The following TMEM64 variants were observed in gnomAD, a reference collection of about 807,000 sequenced individuals.
TMEM64 encodes the protein transmembrane protein 64.
A neutral mutation model predicts 24.5 loss-of-function variants in TMEM64; 19 were observed. The ratio of observed to expected loss-of-function variants is 0.78; its 90% confidence interval spans 0.54 to 1.14. The LOEUF (loss-of-function observed/expected upper bound fraction) is 1.14. TMEM64 is among the 50% of genes most tolerant of loss of function. The pLI is 0.00. For missense variants in TMEM64, 487 were observed against 493.0 expected (o/e 0.99, Z 0.12); for synonymous variants, 262 against 224.7 (o/e 1.17, Z -1.49).
intron 2 of TMEM64, among the ~76,000 whole-genome samples, chr8:90,627,610 C>T (rs1478477036): frequency 6.6e-6 from 1 of 152,020 alleles, no homozygotes; most frequent in Non-Finnish European, 1.5e-5. Flanking sequence ...GAGCTAAAGA[C>T]AAGTGCTGGG....
chr8:90,642,672 TC>T (rs1809621736), intron 1 of TMEM64, among the ~76,000 whole-genome samples: 1 of 152,202 alleles, frequency 6.6e-6, no homozygotes, highest in South Asian at 2.1e-4. Flanking sequence ...AAGGACTACT[TC>T]TGTAAGCAGG....
At chr8:90,638,011 A>AACCGCACCTTCTCTGGGGAAATCTATCC (rs1234790741) in intron 1 of TMEM64, among the ~76,000 whole-genome samples, 14 of 152,166 alleles carry the variant, frequency 9.2e-5, no homozygotes, top group Non-Finnish European at 5.9e-5. Flanking sequence ...ACATCTTGTC[A>AACCGCACCTTCTCTGGGGAAATCTATCC]ACCGCACCTT....
rs762859132 is a variant in TMEM64 at position 90,625,660 on chromosome 8, T to C, written c.*11A>G. Reference sequence around the variant, plus strand: ...ACACTAGGCTCTTGACAATCACGTATCTCATTAGAATCATACAACATTGAT... The same window carrying C: ...ACACTAGGCTCTTGACAATCACGTACCTCATTAGAATCATACAACATTGAT... On this transcript the variant is annotated 3_prime_UTR_variant, in exon 3 of 3. Coordinates refer to ENST00000458549, the MANE Select transcript of TMEM64 (RefSeq NM_001008495.4). 4.2e-5 allele frequency: 68 copies of C among 1,609,818 alleles called. No individual in the cohort carries two copies. The highest frequency in any genetic ancestry group is 5.1e-5 in the Non-Finnish European group (60 of 1,177,280).
At chr8:90,636,771 AT>A (rs2130505210) in intron 1 of TMEM64, among the ~76,000 whole-genome samples, 1 of 152,310 alleles carries the variant, frequency 6.6e-6, no homozygotes, top group Non-Finnish European at 1.5e-5. Context: ...TACCATTGGA[AT>A]TCCTGCTTGC....
intron 1 of TMEM64, among the ~76,000 whole-genome samples, chr8:90,638,815 T>C (rs1258929041): frequency 6.6e-6 from 1 of 152,062 alleles, no homozygotes; most frequent in East Asian, 1.9e-4. Flanking sequence ...ACAGAAAAAA[T>C]GTTATAAATG....
intron 1 of TMEM64, among the ~76,000 whole-genome samples, chr8:90,635,541 A>ACTTGTTGGGGCCTT (rs1809506258): frequency 6.6e-6 from 1 of 152,128 alleles, no homozygotes. Flanking sequence ...AAATAAAGAC[A>ACTTGTTGGGGCCTT]GGAAAACTAC....
chr8:90,636,536 G>T (rs1474815500), intron 1 of TMEM64, among the ~76,000 whole-genome samples: 1 of 152,202 alleles, frequency 6.6e-6, no homozygotes, highest in East Asian at 1.9e-4. Context: ...TTACACGCGT[G>T]AGCCACTGCA....
Position 90,645,617 on chromosome 8 carries a change from C to T in TMEM64, c.289G>A (p.Gly97Ser). 6.5e-7 allele frequency: 1 copy of T among 1,534,932 alleles called. No homozygotes were observed. The highest frequency in any genetic ancestry group is 8.7e-7 in the Non-Finnish European group (1 of 1,144,930). Residue 97 changes from glycine (G) to serine (S), a missense_variant, in exon 1 of 3, where the codon GGC (glycine) becomes AGC (serine). Gly to Ser is a moderately conservative substitution (Grantham distance 56, BLOSUM62 0). Transcript: ENST00000458549. The surrounding 1 kb of genome is among the most constrained non-coding windows in gnomAD (Gnocchi z 4.2). ...TCAGCCACGCCGACCACCACGCCGC[C>T]GCCGCCACTCCCGGGGCCGCCCGCC... ...ALAGGPGSGG[G>S]GVVVGVAEVR...
chr8:90,631,194 C>T (rs1338226821), intron 2 of TMEM64, among the ~76,000 whole-genome samples: 1 of 152,176 alleles, frequency 6.6e-6, no homozygotes, highest in Non-Finnish European at 1.5e-5. Context: ...GATAAGCACT[C>T]AACTCTGCCC....
intron 1 of TMEM64, among the ~76,000 whole-genome samples, chr8:90,633,190 A>T (rs1809465838): frequency 6.6e-6 from 1 of 152,192 alleles, no homozygotes; most frequent in African/African-American, 2.4e-5. Flanking sequence ...TTACAAAATG[A>T]ATAGGACTTC....
At chr8:90,641,324 T>A (rs1371245644) in intron 1 of TMEM64, among the ~76,000 whole-genome samples, 2 of 152,166 alleles carry the variant, frequency 1.3e-5, no homozygotes, top group Non-Finnish European at 2.9e-5. Context: ...ATGCTGAAGT[T>A]TGAATTTCAT....
intron 1 of TMEM64, among the ~76,000 whole-genome samples, chr8:90,633,328 A>G (rs1470496510): frequency 9.2e-5 from 14 of 152,222 alleles, no homozygotes; most frequent in Non-Finnish European, 1.5e-5. Flanking sequence ...GCCAGTCAAT[A>G]GCCTGGAAGT....
In TMEM64 at chr8:90,631,714, G is replaced by A. The variant is rs73301567; in HGVS notation, c.796-7C>T. The stretch of plus-strand genomic sequence containing the variant: ...GTAATGAGAGATCAGTAATCTAGAA[G>A]AGTAGATTAAAGGGAATGATTCATT... On this transcript the variant is annotated splice_polypyrimidine_tract_variant and splice_region_variant and intron_variant, in intron 1 of 2. Transcript: ENST00000458549. 2,028 of 1,606,620 alleles carry A rather than the reference G, an allele frequency of 1.3e-3. 29 individuals carry two copies. In the African/African-American group the frequency reaches 0.024, roughly 19 times the overall value.
intron 1 of TMEM64, among the ~76,000 whole-genome samples, chr8:90,636,359 A>G (rs60822939): frequency 0.068 from 10,369 of 152,098 alleles, 1,138 homozygotes; most frequent in African/African-American, 0.23. Context: ...AGGTTCAAGC[A>G]ATTCTCCTGC....
At chr8:90,643,138 A>T (rs1360074020) in intron 1 of TMEM64, among the ~76,000 whole-genome samples, 1 of 152,218 alleles carries the variant, frequency 6.6e-6, no homozygotes, top group African/African-American at 2.4e-5. Flanking sequence ...CTATTTACCC[A>T]TGACTACACC....
intron 1 of TMEM64, among the ~76,000 whole-genome samples, chr8:90,643,486 A>C (rs902255860): frequency 1.3e-5 from 2 of 152,194 alleles, no homozygotes; most frequent in Non-Finnish European, 2.9e-5. Context: ...TGTGCTCCCA[A>C]CTAGTAGACA....
In TMEM64 at chr8:90,623,550, A is replaced by G. The variant is rs1045712364; in HGVS notation, c.*2121T>C. 3.9e-5 allele frequency: 6 copies of G among 152,564 alleles called. No individual in the cohort carries two copies. The highest frequency in any genetic ancestry group is 1.4e-4 in the African/African-American group (6 of 41,446). 9.5% of individuals were successfully genotyped at this position (152,564 alleles called of 1,614,324 possible). On this transcript the variant is annotated 3_prime_UTR_variant, in exon 3 of 3. Coordinates refer to ENST00000458549, the MANE Select transcript of TMEM64 (RefSeq NM_001008495.4). ...ACAGTCAATCCATACTATTTTAAGA[A>G]AAAAATGGATGATTTATTATATAAA... is the stretch of plus-strand genomic sequence containing the variant.
At chr8:90,632,120 A>C (rs1809448366) in intron 1 of TMEM64, among the ~76,000 whole-genome samples, 1 of 152,120 alleles carries the variant, frequency 6.6e-6, no homozygotes, top group South Asian at 2.1e-4. Context: ...GGTGCTGATA[A>C]TTCAATATGC....
intron 1 of TMEM64, among the ~76,000 whole-genome samples, chr8:90,644,374 G>C (rs541515801): frequency 6.6e-6 from 1 of 152,274 alleles, no homozygotes; most frequent in South Asian, 2.1e-4. Context: ...CAGTTGCATG[G>C]AGATGCACAC....
Sources: allele counts gnomAD v4.1 joint callset (sites outside exome capture counted in the v4.1 genomes callset), GRCh38; gene constraint gnomAD v4.1.1; non-coding constraint Gnocchi (gnomAD v3.1); transcripts MANE v1.5; gene names NCBI Gene and HGNC (gene_info 2026-07-23, HGNC 2026-07-21).